The following LRRC40 variants were observed in gnomAD, a reference collection of about 807,000 sequenced individuals.
LRRC40 encodes leucine rich repeat containing 40.
Under a neutral mutation model 72.8 loss-of-function variants are expected in LRRC40, and 76 were observed. That is an observed-to-expected ratio of 1.04 (90% confidence interval 0.87 to 1.26). The LOEUF is 1.26. Among genes scored for constraint, LRRC40 ranks in the 50% most tolerant of loss-of-function variants. LRRC40 has a pLI of 0.00. For synonymous variants in LRRC40, 243 were observed against 254.2 expected (o/e 0.96, Z 0.42); for missense variants, 684 against 698.9 (o/e 0.98, Z 0.24).
chr1:70,188,257 C>G (rs72929205), intron 2 of LRRC40, among the ~76,000 whole-genome samples: 5,351 of 152,014 alleles, frequency 0.035, 329 homozygotes, highest in African/African-American at 0.12. Context: ...TTGTGAAGCC[C>G]GCAGATTATG....
intron 1 of LRRC40, among the ~76,000 whole-genome samples, chr1:70,196,160 A>G (rs1157061986): frequency 6.6e-6 from 1 of 152,200 alleles, no homozygotes; most frequent in East Asian, 1.9e-4. Flanking sequence ...TTTTATTCAT[A>G]ACAGCCAAAA....
At chr1:70,201,724 A>T (rs1571502496) in intron 1 of LRRC40, among the ~76,000 whole-genome samples, 1 of 152,078 alleles carries the variant, frequency 6.6e-6, no homozygotes, top group South Asian at 2.1e-4. Context: ...TGTAATCCCA[A>T]CACTTTGGGA....
At chr1:70,151,262 AT>A in intron 12 of LRRC40, 57 bp from the exon 13 acceptor site, 2 of 794,840 alleles carry the variant, frequency 2.5e-6, no homozygotes, top group Non-Finnish European at 4.3e-6. Flanking sequence ...TACAAGTTTA[AT>A]TTATAATTAA....
chr1:70,162,064 G>GA (rs1384142589), intron 9 of LRRC40, among the ~76,000 whole-genome samples: 3 of 152,114 alleles, frequency 2.0e-5, no homozygotes, highest in Non-Finnish European at 4.4e-5. Context: ...GAATTGAAAA[G>GA]AATTTGCCAT....
chr1:70,197,794 A>T (rs1668648291), intron 1 of LRRC40, among the ~76,000 whole-genome samples: 1 of 151,814 alleles, frequency 6.6e-6, no homozygotes, highest in African/African-American at 2.4e-5. Flanking sequence ...GGATAAAAGA[A>T]TGTGGCTGGG....
intron 5 of LRRC40, among the ~76,000 whole-genome samples, chr1:70,180,597 G>A (rs1463600531): frequency 6.6e-6 from 1 of 151,952 alleles, no homozygotes; most frequent in Non-Finnish European, 1.5e-5. Flanking sequence ...AGATATTATG[G>A]TTTGATGGCA....
intron 9 of LRRC40, among the ~76,000 whole-genome samples, chr1:70,161,234 G>A (rs1286627429): frequency 1.3e-5 from 2 of 151,688 alleles, no homozygotes; most frequent in Middle Eastern, 3.4e-3. Flanking sequence ...ACTGGTGCCC[G>A]CCACCACGCC....
intron 8 of LRRC40, 52 bp downstream of exon 8, chr1:70,173,570 A>G: frequency 6.7e-7 from 1 of 1,492,372 alleles, no homozygotes; most frequent in Non-Finnish European, 9.3e-7. Context: ...ACAGATCAAC[A>G]TATATGTCTG....
At chr1:70,160,709 A>G (rs1023208971) in intron 9 of LRRC40, among the ~76,000 whole-genome samples, 4 of 152,168 alleles carry the variant, frequency 2.6e-5, no homozygotes, top group African/African-American at 7.2e-5. Flanking sequence ...AATAATTAGC[A>G]TCAAGGAGAA....
At chr1:70,152,282 C>G in intron 12 of LRRC40, 151 bp downstream of exon 12, 2 of 492,492 alleles carry the variant, frequency 4.1e-6, no homozygotes, top group Non-Finnish European at 3.6e-6. Context: ...TTCCTAAACA[C>G]TATTTTTGGA....
At chr1:70,171,320 G>T (rs1323728284) in intron 9 of LRRC40, among the ~76,000 whole-genome samples, 2 of 145,796 alleles carry the variant, frequency 1.4e-5, no homozygotes, top group Middle Eastern at 3.2e-3. Flanking sequence ...AAAAAAAAAT[G>T]AACAAAAAAA....
chr1:70,167,230 TAAAAAAAAA>T (rs376215808), intron 9 of LRRC40, among the ~76,000 whole-genome samples: 2 of 126,938 alleles, frequency 1.6e-5, no homozygotes. Flanking sequence ...TAAAAAGTGT[TAAAAAAAAA>T]AAAAAAAAGA....
chr1:70,182,652 A>G (rs1668271821), intron 4 of LRRC40, among the ~76,000 whole-genome samples: 1 of 152,070 alleles, frequency 6.6e-6, no homozygotes, highest in Non-Finnish European at 1.5e-5. Context: ...GCAGTTAGTA[A>G]TTGTTAGATA....
chr1:70,198,137 T>C (rs1351595659), intron 1 of LRRC40, among the ~76,000 whole-genome samples: 2 of 152,106 alleles, frequency 1.3e-5, no homozygotes, highest in Admixed American at 1.3e-4. Flanking sequence ...CCTAAAATAG[T>C]AGGTTTTCTT....
intron 6 of LRRC40, among the ~76,000 whole-genome samples, chr1:70,177,073 C>T (rs1052624266): frequency 3.8e-4 from 58 of 152,144 alleles, no homozygotes; most frequent in African/African-American, 1.4e-3. Context: ...GTCAGGAGTT[C>T]GAGACCAGCC....
At chr1:70,181,775 T>C (rs1668252354) in intron 4 of LRRC40, among the ~76,000 whole-genome samples, 1 of 152,068 alleles carries the variant, frequency 6.6e-6, no homozygotes, top group Non-Finnish European at 1.5e-5. Flanking sequence ...CCCTCTACTC[T>C]TCATTCACTC....
intron 10 of LRRC40, among the ~76,000 whole-genome samples, chr1:70,158,394 A>G (rs921282014): frequency 6.6e-6 from 1 of 152,114 alleles, no homozygotes; most frequent in Non-Finnish European, 1.5e-5. Flanking sequence ...CTAGTCACCT[A>G]TCTGACTTCA....
At chr1:70,204,402 T>C (rs1030601655) in intron 1 of LRRC40, among the ~76,000 whole-genome samples, 1 of 152,220 alleles carries the variant, frequency 6.6e-6, no homozygotes, top group African/African-American at 2.4e-5. Context: ...AACAGAATGT[T>C]AGCATGATAG....
At chr1:70,175,579 G>A (rs1668085209) in intron 7 of LRRC40, among the ~76,000 whole-genome samples, 2 of 152,062 alleles carry the variant, frequency 1.3e-5, no homozygotes, top group Non-Finnish European at 2.9e-5. Flanking sequence ...TAATACTAAT[G>A]ATAATCTAGT....
Sources: allele counts gnomAD v4.1 joint callset (sites outside exome capture counted in the v4.1 genomes callset), GRCh38; gene constraint gnomAD v4.1.1; transcripts MANE v1.5; gene names NCBI Gene and HGNC (gene_info 2026-07-23, HGNC 2026-07-21).